MAP3K20: variants seen among roughly 807,000 people sequenced by gnomAD.
MAP3K20 encodes the protein mitogen-activated protein kinase kinase kinase 20.
A neutral mutation model predicts 85.7 loss-of-function variants in MAP3K20; 40 were observed. That is an observed-to-expected ratio of 0.47 (90% CI 0.36 to 0.61). The LOEUF is 0.61. Ranked by LOEUF, MAP3K20 falls within the 20% of genes least tolerant of loss-of-function variation. The pLI, the probability that MAP3K20 is intolerant of heterozygous loss-of-function variation, is 0.00. For synonymous variants in MAP3K20, 325 were observed against 327.7 expected, an observed-to-expected ratio of 0.99 and a Z score of 0.09; for missense variants, 817 against 961.7, an observed-to-expected ratio of 0.85 and a Z score of 1.99.
In MAP3K20 at chr2:173,264,704, T is replaced by C. The variant is rs919173440; in HGVS notation, c.1702+809T>C. 4.1e-4 allele frequency among the ~76,000 whole-genome samples: 62 copies of C among 152,168 alleles called. 1 individual carries two copies. The highest frequency in any genetic ancestry group is 1.4e-3 in the African/African-American group (56 of 41,446). On this transcript the variant is annotated intron_variant, in intron 19 of 19. Transcript: ENST00000375213. ...GAGACTGAGCAAAATCAGGGTTCTA[T>C]TGGAAGGCAAAATTCCAGAGAAGTC...
At chr2:173,079,038 C>T (rs1464365699) in intron 1 of MAP3K20, among the ~76,000 whole-genome samples, 1 of 152,138 alleles carries the variant, frequency 6.6e-6, no homozygotes, top group Non-Finnish European at 1.5e-5. Flanking sequence ...GATGGGGATA[C>T]GTTCTGAGAG....
chr2:173,168,788 G>A (rs1029858216), intron 2 of MAP3K20, among the ~76,000 whole-genome samples: 25 of 152,006 alleles, frequency 1.6e-4, no homozygotes, highest in African/African-American at 6.0e-4. Context: ...CTCCATAAAA[G>A]TCATAAAATA....
chr2:173,221,211 A>G, intron 11 of MAP3K20: 2 of 1,597,432 alleles, frequency 1.3e-6, no homozygotes, highest in Non-Finnish European at 8.6e-7. Flanking sequence ...AAAACAGAGG[A>G]GTCAAACAGT....
intron 4 of MAP3K20, among the ~76,000 whole-genome samples, chr2:173,185,711 T>G (rs966861482): frequency 2.0e-5 from 3 of 152,220 alleles, no homozygotes; most frequent in Admixed American, 2.0e-4. Context: ...CAATATCTTC[T>G]CACAAAAAAG....
At chr2:173,237,653 G>A (rs906043507) in intron 14 of MAP3K20, among the ~76,000 whole-genome samples, 2 of 152,108 alleles carry the variant, frequency 1.3e-5, no homozygotes, top group Non-Finnish European at 2.9e-5. Flanking sequence ...TGGCAGAGGG[G>A]ATGTTGGACA....
intron 1 of MAP3K20, among the ~76,000 whole-genome samples, chr2:173,083,487 G>A (rs1196274046): frequency 6.6e-6 from 1 of 151,918 alleles, no homozygotes; most frequent in African/African-American, 2.4e-5. Context: ...GCAGAGTGCT[G>A]GGATTACAGG....
chr2:173,171,361 G>A (rs1689996868), intron 3 of MAP3K20, among the ~76,000 whole-genome samples: 1 of 152,176 alleles, frequency 6.6e-6, no homozygotes, highest in Admixed American at 6.5e-5. Context: ...AAGAAAGTGT[G>A]ACACTCCCAA....
In MAP3K20 at chr2:173,089,570, A is replaced by G. The variant is rs1463551588; in HGVS notation, c.-34-1428A>G. 2.6e-5 allele frequency among the ~76,000 whole-genome samples: 4 copies of G among 151,528 alleles called. No individual in the cohort carries two copies. The East Asian group carries it at 7.7e-4, about 29-fold the overall frequency. On this transcript the variant is annotated intron_variant, in intron 1 of 19. Coordinates refer to ENST00000375213, the MANE Select transcript of MAP3K20 (RefSeq NM_016653.3). ...CCAGAATCCAGTGATCATAAATTAT[A>G]TGTAGTCATCGTGTTTCCCTTTTTT...
intron 2 of MAP3K20, among the ~76,000 whole-genome samples, chr2:173,132,478 A>G (rs1009268047): frequency 3.3e-5 from 5 of 151,932 alleles, no homozygotes; most frequent in African/African-American, 9.7e-5. Context: ...ATGCATTTCT[A>G]CCCCTTCCCT....
At chr2:173,155,372 T>C (rs2106232529) in intron 2 of MAP3K20, among the ~76,000 whole-genome samples, 1 of 152,356 alleles carries the variant, frequency 6.6e-6, no homozygotes, top group South Asian at 2.1e-4. Context: ...GATATTATTG[T>C]CCGTCTTTTC....
At chr2:173,137,799 G>A (rs777561328) in intron 2 of MAP3K20, among the ~76,000 whole-genome samples, 1 of 152,046 alleles carries the variant, frequency 6.6e-6, no homozygotes, top group Non-Finnish European at 1.5e-5. Context: ...CTGTTGACAC[G>A]TGGGCATCAA....
intron 1 of MAP3K20, chr2:173,090,725 G>A: frequency 1.9e-6 from 2 of 1,045,024 alleles, no homozygotes; most frequent in East Asian, 1.7e-4. Context: ...TGAGTAGGAA[G>A]TGCTGCTGCA....
intron 9 of MAP3K20, 73 bp from the exon 10 acceptor site, chr2:173,209,653 TGTA>T: frequency 8.3e-7 from 1 of 1,210,324 alleles, no homozygotes; most frequent in Non-Finnish European, 1.2e-6. Context: ...TTACTATGCT[TGTA>T]GTATCTACGT....
rs1162728873 is a variant in MAP3K20 at position 173,134,393 on chromosome 2, CATATAT to C, written c.160-35381_160-35376del. Among the ~76,000 whole-genome samples, 39 of 12,332 alleles carry C rather than the reference CATATAT, an allele frequency of 3.2e-3. 1 individual carries two copies. Among genetic ancestry groups the C allele is most frequent in the South Asian group, 9.4e-3 (3 of 318 alleles). 8.1% of individuals were successfully genotyped at this position (12,332 alleles called of 152,430 possible). On this transcript the variant is annotated intron_variant, in intron 2 of 19. Transcript: ENST00000375213. Reference sequence around the variant, plus strand: ...GTGTGTGTGTGTGTGTGTCTCTATACATATATATATATATATATATATATATATATA... The same window carrying C: ...GTGTGTGTGTGTGTGTGTCTCTATACATATATATATATATATATATATATA...
At chr2:173,187,151 G>C (rs1047663336) in intron 4 of MAP3K20, among the ~76,000 whole-genome samples, 2 of 152,142 alleles carry the variant, frequency 1.3e-5, no homozygotes, top group Non-Finnish European at 2.9e-5. Context: ...ATCTGCAGTT[G>C]GGTACCTGCA....
chr2:173,227,222 G>A, intron 11 of MAP3K20: 1 of 815,382 alleles, frequency 1.2e-6, no homozygotes, highest in Non-Finnish European at 1.5e-6. Flanking sequence ...AGGAATCGTT[G>A]TCACACGCAT....
At chr2:173,077,442 T>A (rs1347815065) in intron 1 of MAP3K20, among the ~76,000 whole-genome samples, 1 of 149,960 alleles carries the variant, frequency 6.7e-6, no homozygotes, top group African/African-American at 2.5e-5. Flanking sequence ...ATTTGTAGAG[T>A]CTTTGTTTTA....
Position 173,232,240 on chromosome 2 carries a change from C to A in MAP3K20, c.1063+18C>A. On this transcript the variant is annotated intron_variant, in intron 13 of 19. Transcript: ENST00000375213. Reference sequence around the variant, plus strand: ...CAGAAAAGGCAAGTGGAATAAGTTACCTTCTTCAATCATGGAGTTAACTTT... The same window carrying A: ...CAGAAAAGGCAAGTGGAATAAGTTAACTTCTTCAATCATGGAGTTAACTTT... The A allele has an allele frequency of 6.2e-7, 1 of 1,614,160 alleles. No homozygotes were observed. The highest frequency in any genetic ancestry group is 8.5e-7 in the Non-Finnish European group (1 of 1,180,000).
In MAP3K20 at chr2:173,258,832, G is replaced by T. The variant is rs368644717; in HGVS notation, c.1476+17G>T. On this transcript the variant is annotated intron_variant, in intron 17 of 19. Transcript: ENST00000375213. ...ATGACAAAGGTAGGGTTCTATTTAC[G>T]GCTTAAAAGCTCTTTTGAATTCACA... 1 of 1,476,240 alleles carries T rather than the reference G, an allele frequency of 6.8e-7. No homozygotes were observed. The highest frequency in any genetic ancestry group is 9.5e-7 in the Non-Finnish European group (1 of 1,057,396). 91.4% of individuals were successfully genotyped at this position (1,476,240 alleles called of 1,614,324 possible).
Sources: gnomAD v4.1 joint callset for allele counts (sites outside exome capture counted in the v4.1 genomes callset) on GRCh38, gnomAD v4.1.1 for gene constraint, MANE v1.5 for transcripts, NCBI Gene and HGNC (gene_info 2026-07-23, HGNC 2026-07-21) for gene names.